MYO1F: variants seen among roughly 807,000 people sequenced by gnomAD.
The protein encoded by MYO1F is myosin IF.
In MYO1F, 60 loss-of-function variants were observed where a neutral mutation model predicts 146.6. The observed-to-expected ratio is 0.41, with a 90% CI of 0.33 to 0.51. MYO1F has a LOEUF of 0.51. MYO1F is among the 20% of genes least tolerant of loss of function. The pLI is 0.25. For synonymous variants in MYO1F, 602 were observed against 602.1 expected (o/e 1.00, Z 0.00); for missense variants, 1,274 against 1,534.3 (o/e 0.83, Z 2.83).
At chr19:8,538,436 A>T (rs1015576605) in intron 16 of MYO1F, among the ~76,000 whole-genome samples, 1 of 150,484 alleles carries the variant, frequency 6.6e-6, no homozygotes, top group Non-Finnish European at 1.5e-5. Flanking sequence ...GATTACAGGC[A>T]TATGCTGGCT....
intron 18 of MYO1F, 34 bp from the exon 19 acceptor site, chr19:8,536,430 A>C: frequency 5.6e-6 from 9 of 1,607,562 alleles, no homozygotes; most frequent in South Asian, 2.2e-5. Context: ...GGGAGTGCTC[A>C]TAGCAGACAG....
intron 19 of MYO1F, among the ~76,000 whole-genome samples, chr19:8,533,947 G>A (rs533419501): frequency 6.6e-5 from 10 of 152,210 alleles, no homozygotes; most frequent in African/African-American, 2.2e-4. Context: ...CACTTTGGGA[G>A]GCTGAGGTGG....
chr19:8,545,169 CCTTGA>C (rs1011212825), intron 13 of MYO1F, among the ~76,000 whole-genome samples: 32 of 151,988 alleles, frequency 2.1e-4, no homozygotes, highest in African/African-American at 7.5e-4. Flanking sequence ...CTCACTGCAC[CCTTGA>C]CTTCCTGGGC....
intron 1 of MYO1F, among the ~76,000 whole-genome samples, chr19:8,566,792 G>A (rs895972415): frequency 6.6e-6 from 1 of 151,582 alleles, no homozygotes; most frequent in African/African-American, 2.4e-5. Flanking sequence ...GGGATTACAA[G>A]CATGAGCCAC....
chr19:8,534,586 G>A (rs1409956286), intron 19 of MYO1F, among the ~76,000 whole-genome samples: 2 of 151,344 alleles, frequency 1.3e-5, no homozygotes, highest in Non-Finnish European at 2.9e-5. Context: ...GATTACAGTT[G>A]TGAGCCACCG....
chr19:8,548,602 T>TC (rs1973472142), intron 10 of MYO1F, among the ~76,000 whole-genome samples: 2 of 146,932 alleles, frequency 1.4e-5, no homozygotes, highest in East Asian at 2.0e-4. Context: ...CTTTTTTTTT[T>TC]TTTCTTTTTT....
chr19:8,536,629 G>T, intron 17 of MYO1F, 32 bp from the exon 18 acceptor site: 1 of 1,475,452 alleles, frequency 6.8e-7, no homozygotes, highest in Non-Finnish European at 9.3e-7. Flanking sequence ...GTCCCCTCGG[G>T]GTGGGGAGTC....
At chr19:8,546,485 G>A (rs1028013259) in intron 12 of MYO1F, among the ~76,000 whole-genome samples, 7 of 151,578 alleles carry the variant, frequency 4.6e-5, no homozygotes, top group African/African-American at 1.7e-4. Context: ...TCAGCCTTCC[G>A]AGTAGCTGGG....
At chr19:8,534,155 G>C (rs894098306) in intron 19 of MYO1F, among the ~76,000 whole-genome samples, 1 of 150,124 alleles carries the variant, frequency 6.7e-6, no homozygotes, top group Non-Finnish European at 1.5e-5. Context: ...CTTTAGCCTG[G>C]GTGACAGAGC....
intron 1 of MYO1F, among the ~76,000 whole-genome samples, chr19:8,572,360 C>T (rs764387712): frequency 6.6e-6 from 1 of 151,918 alleles, no homozygotes; most frequent in Non-Finnish European, 1.5e-5. Context: ...CTCTGCCTCT[C>T]GGGTTCAAGC....
Position 8,543,735 on chromosome 19 carries a change from CTGGTGGTGCTGGTGG to C in MYO1F, c.1524+547_1524+561del, listed in dbSNP as rs1973119062. On this transcript the variant is annotated intron_variant, in intron 14 of 27. Transcript: ENST00000644032. Reference sequence around the variant, plus strand: ...GGTGGTGGTGGTGGTGCTGGTGGTGCTGGTGGTGCTGGTGGTGGTGGTGGTGGTGGTGCTGGTGGT... The same window carrying C: ...GGTGGTGGTGGTGGTGCTGGTGGTGCTGGTGGTGGTGGTGGTGCTGGTGGT... Among the ~76,000 whole-genome samples, 11 of 11,204 alleles carry C rather than the reference CTGGTGGTGCTGGTGG, an allele frequency of 9.8e-4. 1 individual carries two copies. The highest frequency in any genetic ancestry group is 2.0e-3 in the African/African-American group (4 of 1,996). 7.4% of individuals were successfully genotyped at this position (11,204 alleles called of 152,430 possible). A position where few individuals can be genotyped will look rare whatever the true frequency, so the allele number is the denominator to read the frequency against.
chr19:8,544,316 A>C lies in MYO1F; in HGVS notation c.1505T>G (p.Ile502Ser). The change falls in exon 14 of 28, where the codon ATC (isoleucine) becomes AGC (serine). Residue 502 changes from isoleucine to serine, a missense_variant. By Grantham distance (142) the Ile-to-Ser change is moderately radical. Around this residue, in one of 2 missense-constraint regions of MYO1F, gnomAD observed 900 missense variants for 1,155.1 expected, o/e 0.78. Coordinates refer to ENST00000644032, the MANE Select transcript of MYO1F (RefSeq NM_012335.4). ...GCGCACCTTGCCAGCGTAGTGGTGG[A>C]TGACGAAGCCGGCGCTCCAGCTGTT... ...HFNSWSAGFVIHHYAGKVSYD... is the reference protein window; with the variant it reads ...HFNSWSAGFVSHHYAGKVSYD... 1 of 1,613,002 alleles carries C rather than the reference A, an allele frequency of 6.2e-7. No homozygotes were observed. The highest frequency in any genetic ancestry group is 1.1e-5 in the South Asian group (1 of 91,072).
At chr19:8,525,662 C>A in intron 24 of MYO1F, 100 bp from the exon 25 acceptor site, 1 of 983,452 alleles carries the variant, frequency 1.0e-6, no homozygotes, top group South Asian at 1.4e-5. Flanking sequence ...ACCCCGCCCC[C>A]TCAGGCTCTC....
chr19:8,560,009 C>G (rs1974017919), intron 1 of MYO1F, among the ~76,000 whole-genome samples: 1 of 151,432 alleles, frequency 6.6e-6, no homozygotes, highest in South Asian at 2.1e-4. Flanking sequence ...TATGCTGTGC[C>G]TGGTTTGGGG....
At position 8,544,296 on chromosome 19, in the gene MYO1F, C is replaced by T. The variant is rs753140274; in HGVS notation, c.1524+1G>A. The T allele has an allele frequency of 6.2e-7, 1 of 1,612,948 alleles. No homozygotes were observed. The highest frequency in any genetic ancestry group is 8.5e-7 in the Non-Finnish European group (1 of 1,179,796). ...GGGTAGGGTAGGGGCAGGGGGCGCA[C>T]CTTGCCAGCGTAGTGGTGGATGACG... is the stretch of plus-strand genomic sequence containing the variant. On this transcript the variant is annotated splice_donor_variant, in intron 14 of 27. Coordinates refer to ENST00000644032, the MANE Select transcript of MYO1F (RefSeq NM_012335.4). LOFTEE classifies it high-confidence loss of function.
chr19:8,574,631 T>C (rs1315911433), intron 1 of MYO1F, among the ~76,000 whole-genome samples: 18 of 49,246 alleles, frequency 3.7e-4, no homozygotes, highest in Admixed American at 8.3e-4. Flanking sequence ...CTTTCTTTCT[T>C]TCTTTCTTTC....
At chr19:8,537,086 G>A in intron 16 of MYO1F, 31 bp from the exon 17 acceptor site, 1 of 1,481,730 alleles carries the variant, frequency 6.7e-7, no homozygotes. Flanking sequence ...GGTGGGTGGG[G>A]GGCACAGAGA....
chr19:8,536,628 G>T, intron 17 of MYO1F, 31 bp from the exon 18 acceptor site: 1 of 1,482,404 alleles, frequency 6.7e-7, no homozygotes, highest in South Asian at 1.1e-5. Flanking sequence ...AGTCCCCTCG[G>T]GGTGGGGAGT....
rs1238691790 is a variant in MYO1F at position 8,524,988 on chromosome 19, A to C, written c.2854+491T>G. Among the ~76,000 whole-genome samples, 3 of 152,048 alleles carry C rather than the reference A, an allele frequency of 2.0e-5. 1 individual carries two copies. The highest frequency in any genetic ancestry group is 4.4e-5 in the Non-Finnish European group (3 of 68,026). On this transcript the variant is annotated intron_variant, in intron 25 of 27. Transcript: ENST00000644032. ...CGAGACGGGCGGGTCACCTGAGGTC[A>C]GGAGTTCGAGACCAGCCTGAACAAC...
Sources: gnomAD v4.1 joint callset for allele counts (sites outside exome capture counted in the v4.1 genomes callset) on GRCh38, gnomAD v4.1.1 for gene constraint, gnomAD v4.1.1 regional missense constraint, MANE v1.5 for transcripts, NCBI Gene and HGNC (gene_info 2026-07-23, HGNC 2026-07-21) for gene names.